ARHGAP44: variants seen among roughly 807,000 people sequenced by gnomAD.
The protein encoded by ARHGAP44 is rho GTPase-activating protein 44.
ARHGAP44 carries 43 observed loss-of-function variants against 106.8 expected under a neutral mutation model. The observed-to-expected ratio is 0.40, with a 90% CI of 0.32 to 0.52. The LOEUF is 0.52. ARHGAP44 is among the 20% of genes least tolerant of loss of function. ARHGAP44 has a pLI of 0.48. For missense variants in ARHGAP44, 866 were observed against 1,050.5 expected, an observed-to-expected ratio of 0.82 and a Z score of 2.43; for synonymous variants, 439 against 410.3, an observed-to-expected ratio of 1.07 and a Z score of -0.85.
chr17:12,796,763 ATT>A (rs962291701), intron 1 of ARHGAP44, among the ~76,000 whole-genome samples: 6 of 139,574 alleles, frequency 4.3e-5, no homozygotes, highest in Admixed American at 7.2e-5. Flanking sequence ...CACCTGGCTA[ATT>A]TTTTTTTTTT....
At chr17:12,813,698 C>T (rs2034507863) in intron 1 of ARHGAP44, among the ~76,000 whole-genome samples, 2 of 152,104 alleles carry the variant, frequency 1.3e-5, no homozygotes, top group South Asian at 2.1e-4. Context: ...CGTCCCCCAC[C>T]ACACAAAGAG....
intron 1 of ARHGAP44, among the ~76,000 whole-genome samples, chr17:12,866,812 G>A (rs1380079046): frequency 2.0e-5 from 3 of 152,154 alleles, no homozygotes; most frequent in Non-Finnish European, 2.9e-5. Context: ...TACTATCTTA[G>A]CAGTGTTTGT....
intron 14 of ARHGAP44, 116 bp downstream of exon 14, chr17:12,956,096 C>T: frequency 1.4e-6 from 1 of 699,700 alleles, no homozygotes; most frequent in South Asian, 2.0e-5. Flanking sequence ...TTTCCAAACC[C>T]TATTTCTTTG....
chr17:12,912,549 G>A (rs1449545516), intron 4 of ARHGAP44, among the ~76,000 whole-genome samples: 2 of 152,200 alleles, frequency 1.3e-5, no homozygotes, highest in Admixed American at 1.3e-4. Flanking sequence ...CGGATCTTGA[G>A]GACATGAGTT....
intron 7 of ARHGAP44, among the ~76,000 whole-genome samples, chr17:12,932,259 C>T (rs2038423782): frequency 6.6e-6 from 1 of 152,110 alleles, no homozygotes; most frequent in Admixed American, 6.5e-5. Flanking sequence ...TTCTTAATTT[C>T]CCTGAATATA....
At chr17:12,940,968 C>A in intron 7 of ARHGAP44, 88 bp from the exon 8 acceptor site, 1 of 1,140,328 alleles carries the variant, frequency 8.8e-7, no homozygotes, top group Non-Finnish European at 1.3e-6. Flanking sequence ...GTGTTTAAGG[C>A]TCTTTCTCAC....
At position 12,914,567 on chromosome 17, in the gene ARHGAP44, G is replaced by A. The variant is rs561285244; in HGVS notation, c.276-1333G>A. Among the ~76,000 whole-genome samples the A allele has an allele frequency of 3.9e-5, 6 of 152,218 alleles. No individual in the cohort carries two copies. In the South Asian group the frequency reaches 1.0e-3, roughly 26 times the overall value. On this transcript the variant is annotated intron_variant, in intron 4 of 20. Transcript: ENST00000379672. Reference sequence around the variant, plus strand: ...CCCAGCACTTTGGGAGGCCGAGGTGGGTGGATCACCTGAGGTCAGGAGTTC... The same window carrying A: ...CCCAGCACTTTGGGAGGCCGAGGTGAGTGGATCACCTGAGGTCAGGAGTTC...
intron 1 of ARHGAP44, among the ~76,000 whole-genome samples, chr17:12,837,180 A>T (rs1330500989): frequency 6.6e-6 from 1 of 152,228 alleles, no homozygotes; most frequent in Non-Finnish European, 1.5e-5. Flanking sequence ...TCAAAGAGGA[A>T]ATTTTATGGG....
chr17:12,876,992 G>A (rs1345278618), intron 1 of ARHGAP44, among the ~76,000 whole-genome samples: 5 of 151,922 alleles, frequency 3.3e-5, no homozygotes, highest in Admixed American at 6.6e-5. Context: ...GACTATGCAA[G>A]TAGAAAGGGA....
chr17:12,920,643 G>A (rs2038055596), intron 6 of ARHGAP44, among the ~76,000 whole-genome samples: 2 of 152,176 alleles, frequency 1.3e-5, no homozygotes, highest in African/African-American at 4.8e-5. Context: ...AGAGAAGTAG[G>A]AGGTGAGAGC....
intron 16 of ARHGAP44, chr17:12,972,999 C>A: frequency 2.8e-6 from 1 of 354,838 alleles, no homozygotes; most frequent in Non-Finnish European, 5.0e-6. Context: ...AAGAAGTGAG[C>A]AGATGACTAC....
rs1014674648 is a variant in ARHGAP44, at chr17:12,926,499, GTA to G, written c.465-2422_465-2421del. Among the ~76,000 whole-genome samples the G allele has an allele frequency of 6.5e-5, 9 of 138,838 alleles. No homozygotes were observed. The East Asian group carries it at 8.6e-4, about 13-fold the overall frequency. 91.1% of individuals were successfully genotyped at this position (138,838 alleles called of 152,430 possible). A position where few individuals can be genotyped will look rare whatever the true frequency, so the allele number is the denominator to read the frequency against. The stretch of plus-strand genomic sequence containing the variant: ...TAATATATATGTATGTATAATATAT[GTA>G]TATATATTATATATGCATATATATT... On this transcript the variant is annotated intron_variant, in intron 6 of 20. Coordinates refer to ENST00000379672, the MANE Select transcript of ARHGAP44 (RefSeq NM_014859.6).
Position 12,937,952 on chromosome 17 carries a change from T to C in ARHGAP44, c.583-3104T>C, listed in dbSNP as rs534024416. Among the ~76,000 whole-genome samples the C allele has an allele frequency of 3.9e-5, 6 of 151,954 alleles. No homozygotes were observed. In the East Asian group the frequency reaches 1.2e-3, roughly 29 times the overall value. On this transcript the variant is annotated intron_variant, in intron 7 of 20. Transcript: ENST00000379672. The stretch of plus-strand genomic sequence containing the variant: ...CTTGTCTCTTCTAAAAATACAGAAA[T>C]TAGGTGGGTGTGGTGGCATGTCCCT...
intron 1 of ARHGAP44, among the ~76,000 whole-genome samples, chr17:12,867,951 T>TAATC (rs2036281455): frequency 1.3e-5 from 2 of 152,306 alleles, no homozygotes; most frequent in African/African-American, 4.8e-5. Context: ...GATTACGTTA[T>TAATC]AATCAACCCT....
At chr17:12,793,161 G>C (rs2033815825) in intron 1 of ARHGAP44, among the ~76,000 whole-genome samples, 2 of 152,164 alleles carry the variant, frequency 1.3e-5, no homozygotes, top group Non-Finnish European at 2.9e-5. Flanking sequence ...GAGTAGTTAA[G>C]GATTGCACTG....
At chr17:12,870,912 TCTA>T (rs2036387558) in intron 1 of ARHGAP44, among the ~76,000 whole-genome samples, 1 of 152,210 alleles carries the variant, frequency 6.6e-6, no homozygotes, top group South Asian at 2.1e-4. Flanking sequence ...ATGGGACTCT[TCTA>T]CTCTTTTCTT....
At chr17:12,978,036 C>CAAAAAA (rs1157325814) in intron 18 of ARHGAP44, among the ~76,000 whole-genome samples, 22,141 of 87,170 alleles carry the variant, frequency 0.25, 3,868 homozygotes, top group Non-Finnish European at 0.31. Context: ...GACTCCATCT[C>CAAAAAA]AAAAAAAAAA....
At position 12,991,092 on chromosome 17, in the gene ARHGAP44, C is replaced by T. The variant is rs922127727; in HGVS notation, c.*921C>T. 6 of 152,656 alleles carry T rather than the reference C, an allele frequency of 3.9e-5. No individual in the cohort carries two copies. The highest frequency in any genetic ancestry group is 7.2e-5 in the African/African-American group (3 of 41,464). 9.5% of individuals were successfully genotyped at this position (152,656 alleles called of 1,614,324 possible). On this transcript the variant is annotated 3_prime_UTR_variant, in exon 21 of 21. Transcript: ENST00000379672. The stretch of plus-strand genomic sequence containing the variant: ...GGAAAAGTGAAACCAGCCACGGAGA[C>T]GCTGGCCCACGGGCTCGGCCTGCGG...
At chr17:12,809,869 G>A (rs925914569) in intron 1 of ARHGAP44, among the ~76,000 whole-genome samples, 4 of 152,192 alleles carry the variant, frequency 2.6e-5, no homozygotes, top group Admixed American at 6.5e-5. Flanking sequence ...GCTGGGGTTG[G>A]TGCTTGGGCA....
Sources: gnomAD v4.1 joint callset for allele counts (sites outside exome capture counted in the v4.1 genomes callset) on GRCh38, gnomAD v4.1.1 for gene constraint, MANE v1.5 for transcripts, NCBI Gene and HGNC (gene_info 2026-07-23, HGNC 2026-07-21) for gene names.